KLF15: variants seen among roughly 807,000 people sequenced by gnomAD.
KLF15 encodes KLF transcription factor 15.
A neutral mutation model predicts 24.6 loss-of-function variants in KLF15; 4 were observed. The observed-to-expected ratio is 0.16, with a 90% CI of 0.08 to 0.37. The LOEUF (loss-of-function observed/expected upper bound fraction) is 0.37, where lower values mean the gene tolerates loss of function less well. Ranked by LOEUF, KLF15 falls within the 10% of genes least tolerant of loss-of-function variation. The pLI is 1.00. For missense variants in KLF15, 496 were observed against 560.6 expected (o/e 0.88, Z 1.16); for synonymous variants, 246 against 236.3 (o/e 1.04, Z -0.37).
chr3:126,319,434 G>C, the KLF15 span, among the ~76,000 whole-genome samples: 1 of 152,290 alleles, frequency 6.6e-6, no homozygotes, highest in East Asian at 1.9e-4. Context: ...CCACATCATT[G>C]CCAGCATTTG....
the KLF15 span, among the ~76,000 whole-genome samples, chr3:126,293,144 T>TAA: frequency 0.029 from 3,490 of 118,472 alleles, 138 homozygotes; most frequent in African/African-American, 0.092. Flanking sequence ...ACTGCATCTC[T>TAA]AAAAAAAAAA....
the KLF15 span, among the ~76,000 whole-genome samples, chr3:126,292,146 A>G: frequency 1.3e-5 from 2 of 152,166 alleles, no homozygotes; most frequent in Non-Finnish European, 2.9e-5. Context: ...TGTGGAGCAG[A>G]TTCCCTGTGG....
At chr3:126,305,497 G>C in the KLF15 span, among the ~76,000 whole-genome samples, 1 of 152,238 alleles carries the variant, frequency 6.6e-6, no homozygotes, top group East Asian at 1.9e-4. Flanking sequence ...AGGAGGAAAA[G>C]AGTAGCCCTC....
At chr3:126,344,553 C>A (rs2082516589) in intron 2 of KLF15, among the ~76,000 whole-genome samples, 2 of 152,212 alleles carry the variant, frequency 1.3e-5, no homozygotes, top group Admixed American at 6.5e-5. Flanking sequence ...CACAGGTGCA[C>A]TCAGTCGCTC....
Position 126,352,970 on chromosome 3 carries a change from G to A in KLF15, c.-25-23C>T, listed in dbSNP as rs1188281958. The A allele has an allele frequency of 2.6e-6, 4 of 1,558,100 alleles. No individual in the cohort carries two copies. In the South Asian group the frequency reaches 5.0e-5, roughly 19 times the overall value. Reference sequence around the variant, plus strand: ...CGGCTGCAGGAAAGGAACACAGGAGGCCTGGTCAGAAGGACAGTGCTCACC... The same window carrying A: ...CGGCTGCAGGAAAGGAACACAGGAGACCTGGTCAGAAGGACAGTGCTCACC... On this transcript the variant is annotated intron_variant, in intron 1 of 2. Coordinates refer to ENST00000296233, the MANE Select transcript of KLF15 (RefSeq NM_014079.4).
At chr3:126,337,450 T>G in the KLF15 span, among the ~76,000 whole-genome samples, 1 of 127,004 alleles carries the variant, frequency 7.9e-6, no homozygotes. Context: ...GGGGGAGGGA[T>G]AGCATTGGGA....
the KLF15 span, among the ~76,000 whole-genome samples, chr3:126,295,993 T>C: frequency 6.6e-6 from 1 of 152,218 alleles, no homozygotes; most frequent in African/African-American, 2.4e-5. Flanking sequence ...TAGTTGATGC[T>C]GATCTCTCTT....
At chr3:126,326,332 T>C in the KLF15 span, among the ~76,000 whole-genome samples, 5 of 151,244 alleles carry the variant, frequency 3.3e-5, no homozygotes, top group African/African-American at 1.2e-4. Flanking sequence ...AAGTAGTTTT[T>C]TCCAATTCTG....
chr3:126,327,391 G>C, the KLF15 span, among the ~76,000 whole-genome samples: 3 of 152,158 alleles, frequency 2.0e-5, no homozygotes, highest in African/African-American at 7.2e-5. Context: ...GACTTTAACT[G>C]GGCCCTTCTG....
chr3:126,307,206 C>T, the KLF15 span, among the ~76,000 whole-genome samples: 5 of 152,292 alleles, frequency 3.3e-5, no homozygotes, highest in African/African-American at 1.2e-4. Flanking sequence ...GGCAGACGCT[C>T]CTTCCCCTCC....
downstream of KLF15, among the ~76,000 whole-genome samples, chr3:126,338,137 T>C (rs1489198647): frequency 6.6e-6 from 1 of 152,190 alleles, no homozygotes; most frequent in Non-Finnish European, 1.5e-5. Flanking sequence ...AGGATGTGGA[T>C]GGAATCCCAG....
At chr3:126,318,863 T>G in the KLF15 span, among the ~76,000 whole-genome samples, 1 of 152,214 alleles carries the variant, frequency 6.6e-6, no homozygotes, top group Non-Finnish European at 1.5e-5. Context: ...CTCCTAGTGG[T>G]GTACATTCTG....
chr3:126,309,842 T>G, the KLF15 span, among the ~76,000 whole-genome samples: 1 of 152,124 alleles, frequency 6.6e-6, no homozygotes, highest in African/African-American at 2.4e-5. Context: ...AAAACCCCAG[T>G]GATAAGGGTG....
the KLF15 span, among the ~76,000 whole-genome samples, chr3:126,291,929 G>A: frequency 2.0e-5 from 3 of 152,224 alleles, no homozygotes; most frequent in Non-Finnish European, 2.9e-5. Context: ...AAGTCCCCGA[G>A]TACCCACTCA....
chr3:126,343,564 A>G lies in KLF15; in HGVS notation c.*163T>C. 1 of 673,636 alleles carries G rather than the reference A, an allele frequency of 1.5e-6. No homozygotes were observed. Among genetic ancestry groups the G allele is most frequent in the East Asian group, 3.0e-5 (1 of 33,402 alleles). The allele number at this position is 673,636 out of a possible 1,614,324, so 41.7% of individuals were successfully genotyped here. On this transcript the variant is annotated 3_prime_UTR_variant, in exon 3 of 3. Transcript: ENST00000296233. The stretch of plus-strand genomic sequence containing the variant: ...TTCGAGGCTCTAAGTACTCCCGAGA[A>G]AGGCAGCGGTTGGCGGGCCCTGGGT...
downstream of KLF15, among the ~76,000 whole-genome samples, chr3:126,341,736 G>A (rs1374510941): frequency 1.3e-5 from 2 of 152,188 alleles, no homozygotes; most frequent in Non-Finnish European, 2.9e-5. Flanking sequence ...GCCCATGGGT[G>A]CCCTACCCCC....
chr3:126,297,378 A>C, the KLF15 span, among the ~76,000 whole-genome samples: 1 of 152,174 alleles, frequency 6.6e-6, no homozygotes, highest in Non-Finnish European at 1.5e-5. Context: ...TTGCCCCACT[A>C]TTGTAAAATA....
At chr3:126,299,855 G>A in the KLF15 span, among the ~76,000 whole-genome samples, 1 of 151,486 alleles carries the variant, frequency 6.6e-6, no homozygotes, top group African/African-American at 2.4e-5. Flanking sequence ...GCCAAGGAGA[G>A]AGGCCTCAGG....
In KLF15 at chr3:126,352,827, A is replaced by G. The variant is rs763753260; in HGVS notation, c.96T>C (p.Tyr32=). ...CAGAGACGGGTGAGGGCAGCATGTGATATGCCCGCCGGCCAACCAGCCTAT... is the reference window on the plus strand; with the variant it reads ...CAGAGACGGGTGAGGGCAGCATGTGGTATGCCCGCCGGCCAACCAGCCTAT... ...LGDRLVGRRA[Y]HMLPSPVSED... is the part of the protein sequence containing the mutation. Residue 32 remains tyrosine (Y), a synonymous_variant, in exon 2 of 3, where the codon TAT becomes TAC. Coordinates refer to ENST00000296233, the MANE Select transcript of KLF15 (RefSeq NM_014079.4). The G allele has an allele frequency of 6.2e-6, 10 of 1,607,186 alleles. No homozygotes were observed. The highest frequency in any genetic ancestry group is 7.6e-6 in the Non-Finnish European group (9 of 1,177,212).
Sources: allele counts gnomAD v4.1 joint callset (sites outside exome capture counted in the v4.1 genomes callset), GRCh38; gene constraint gnomAD v4.1.1; transcripts MANE v1.5; gene names NCBI Gene and HGNC (gene_info 2026-07-23, HGNC 2026-07-21).